LRRFIP1: variants seen among roughly 807,000 people sequenced by gnomAD.
LRRFIP1 encodes the protein leucine-rich repeat flightless-interacting protein 1.
Under a neutral mutation model 104.4 loss-of-function variants are expected in LRRFIP1, and 62 were observed. The observed-to-expected ratio is 0.59, with a 90% CI of 0.48 to 0.73. The LOEUF is 0.73. LRRFIP1 is among the 30% of genes least tolerant of loss of function. The probability of loss-of-function intolerance (pLI) is 0.00; values close to 1 mark genes in which losing one functional copy is unlikely to be tolerated. For synonymous variants in LRRFIP1, 300 were observed against 299.0 expected, an observed-to-expected ratio of 1.00 and a Z score of -0.03; for missense variants, 796 against 824.5, an observed-to-expected ratio of 0.97 and a Z score of 0.42.
chr2:237,707,145 C>T (rs1380449414), intron 1 of LRRFIP1, among the ~76,000 whole-genome samples: 1 of 152,106 alleles, frequency 6.6e-6, no homozygotes, highest in Non-Finnish European at 1.5e-5. Flanking sequence ...CAGTTTGCAA[C>T]TTAGATTAAA....
intron 23 of LRRFIP1, 172 bp from the exon 24 acceptor site, chr2:237,779,250 G>A (rs60023357): frequency 0.17 from 108,240 of 652,040 alleles, 9,798 homozygotes; most frequent in East Asian, 0.41. Context: ...ATCCCCAAGG[G>A]TGTTCCCTCT....
rs2092780693 is a variant in LRRFIP1, at chr2:237,691,808, T to C, written c.97-16736T>C. Among the ~76,000 whole-genome samples the C allele has an allele frequency of 6.6e-6, 1 of 152,078 alleles. No homozygotes were observed. Among genetic ancestry groups the C allele is most frequent in the Non-Finnish European group, 1.5e-5 (1 of 67,982 alleles). On this transcript the variant is annotated intron_variant, in intron 1 of 23. Coordinates refer to ENST00000308482, the MANE Select transcript of LRRFIP1 (RefSeq NM_001137550.2). The surrounding 1 kb of genome is among the most constrained non-coding windows in gnomAD (Gnocchi z 5.4). The stretch of plus-strand genomic sequence containing the variant: ...TGCGGCCGGAGCCTGAGGGGTCTTT[T>C]CCTCCAGGTCCTCTTTCCGGCGGGG...
intron 1 of LRRFIP1, among the ~76,000 whole-genome samples, chr2:237,652,070 T>C (rs1025437038): frequency 6.6e-6 from 1 of 152,194 alleles, no homozygotes; most frequent in Non-Finnish European, 1.5e-5. Context: ...TAGTGAAAAG[T>C]AGGTGCAGGT....
In LRRFIP1 at chr2:237,649,300, C is replaced by T. The variant is rs950643592; in HGVS notation, c.96+21560C>T. 7.2e-5 allele frequency among the ~76,000 whole-genome samples: 11 copies of T among 151,838 alleles called. No homozygotes were observed. Among genetic ancestry groups the T allele is most frequent in the Admixed American group, 2.6e-4 (4 of 15,258 alleles). The stretch of plus-strand genomic sequence containing the variant: ...ATCCCAGCACTTTGGGAGGCCAGGG[C>T]GGGCAGATAACTTGAGGTCAGGAGT... On this transcript the variant is annotated intron_variant, in intron 1 of 23. Transcript: ENST00000308482. This position sits in a 1 kb window ranked among gnomAD's most constrained non-coding sequence, Gnocchi z 4.1.
At chr2:237,772,691 C>T in intron 21 of LRRFIP1, 175 bp from the exon 22 acceptor site, 1 of 604,262 alleles carries the variant, frequency 1.7e-6, no homozygotes, top group South Asian at 2.0e-5. Context: ...TCCCTGGGTT[C>T]ATGGGGAGAG....
rs549812849 is a variant in LRRFIP1 at position 237,656,422 on chromosome 2, A to T, written c.96+28682A>T. On this transcript the variant is annotated intron_variant, in intron 1 of 23. Transcript: ENST00000308482. Reference sequence around the variant, plus strand: ...TGTTTCTGCCCAATTTGTGAAATATATGGTTTATCATGTCTATCTAAATAC... The same window carrying T: ...TGTTTCTGCCCAATTTGTGAAATATTTGGTTTATCATGTCTATCTAAATAC... Among the ~76,000 whole-genome samples the T allele has an allele frequency of 2.4e-4, 36 of 152,346 alleles. No homozygotes were observed. In the South Asian group the frequency reaches 4.1e-3, roughly 18 times the overall value.
chr2:237,772,261 C>A, intron 21 of LRRFIP1, 63 bp downstream of exon 21: 1 of 1,302,598 alleles, frequency 7.7e-7, no homozygotes, highest in Non-Finnish European at 1.1e-6. Flanking sequence ...TATACTTGTG[C>A]TGGCAGAGAA....
intron 14 of LRRFIP1, 35 bp downstream of exon 14, chr2:237,751,306 A>G: frequency 6.8e-7 from 1 of 1,474,372 alleles, no homozygotes. Flanking sequence ...TCACGATATT[A>G]ACCCAACTTA....
At chr2:237,768,447 T>C (rs1233595445) in intron 19 of LRRFIP1, 1 of 152,248 alleles carries the variant, frequency 6.6e-6, no homozygotes, top group East Asian at 1.9e-4. Context: ...CACATTCTGG[T>C]GTATTCAGTG....
At position 237,766,954 on chromosome 2, in the gene LRRFIP1, A is replaced by C. The variant is rs965150290; in HGVS notation, c.1460-2989A>C. Among the ~76,000 whole-genome samples the C allele has an allele frequency of 6.6e-6, 1 of 152,212 alleles. No individual in the cohort carries two copies. The highest frequency in any genetic ancestry group is 6.5e-5 in the Admixed American group (1 of 15,288). Reference sequence around the variant, plus strand: ...GGAGGCCGAGGCAGGCAGATCACTTAAGCCCAGGAGTTCAAGCCCAGCCTG... The same window carrying C: ...GGAGGCCGAGGCAGGCAGATCACTTCAGCCCAGGAGTTCAAGCCCAGCCTG... On this transcript the variant is annotated intron_variant, in intron 19 of 23. Transcript: ENST00000308482. The surrounding 1 kb of genome is among the most constrained non-coding windows in gnomAD (Gnocchi z 4.8).
chr2:237,694,247 T>G (rs2093012997), intron 1 of LRRFIP1, among the ~76,000 whole-genome samples: 3 of 152,246 alleles, frequency 2.0e-5, no homozygotes, highest in Admixed American at 6.5e-5. Flanking sequence ...TGTATGCATC[T>G]TACTACGTTT....
chr2:237,744,651 T>G (rs143927881), intron 11 of LRRFIP1, among the ~76,000 whole-genome samples: 1 of 152,380 alleles, frequency 6.6e-6, no homozygotes, highest in African/African-American at 2.4e-5. Context: ...AGTGACTGTT[T>G]CCAGTAGATT....
intron 1 of LRRFIP1, among the ~76,000 whole-genome samples, chr2:237,700,930 C>T (rs1387719603): frequency 6.6e-6 from 1 of 152,090 alleles, no homozygotes; most frequent in African/African-American, 2.4e-5. Flanking sequence ...AGTTGTGGCT[C>T]ATAAACCCCT....
chr2:237,764,087 A>G, intron 19 of LRRFIP1: 1 of 1,614,218 alleles, frequency 6.2e-7, no homozygotes. Context: ...CAGAGAAGAT[A>G]CCAGAGGAGG....
Position 237,711,846 on chromosome 2 carries a change from C to T in LRRFIP1, c.184-2413C>T, listed in dbSNP as rs2094110153. On this transcript the variant is annotated intron_variant, in intron 2 of 23. Transcript: ENST00000308482. The surrounding 1 kb of genome is among the most constrained non-coding windows in gnomAD (Gnocchi z 4.4). Reference sequence around the variant, plus strand: ...GAGGATGGACATGGCAGACAGGAAGCTGCCCTGGGAGACGAGAGCCAGACG... The same window carrying T: ...GAGGATGGACATGGCAGACAGGAAGTTGCCCTGGGAGACGAGAGCCAGACG... Among the ~76,000 whole-genome samples, 1 of 152,196 alleles carries T rather than the reference C, an allele frequency of 6.6e-6. No homozygotes were observed. Among genetic ancestry groups the T allele is most frequent in the South Asian group, 2.1e-4 (1 of 4,830 alleles).
chr2:237,643,879 C>T (rs934866251), intron 1 of LRRFIP1, among the ~76,000 whole-genome samples: 5 of 152,164 alleles, frequency 3.3e-5, no homozygotes, highest in Admixed American at 1.3e-4. Context: ...TTTAAGGAAG[C>T]GGGATTTAAT....
chr2:237,678,583 G>A (rs745882751), intron 1 of LRRFIP1, among the ~76,000 whole-genome samples: 5 of 152,072 alleles, frequency 3.3e-5, no homozygotes, highest in Non-Finnish European at 7.4e-5. Context: ...TCAGCTCACT[G>A]CAACTTCTGC....
At position 237,758,773 on chromosome 2, in the gene LRRFIP1, A is replaced by G; in HGVS notation, c.1269A>G (p.Glu423=). Residue 423 remains glutamate, a synonymous_variant, in exon 18 of 24, where the codon GAA becomes GAG. Coordinates refer to ENST00000308482, the MANE Select transcript of LRRFIP1 (RefSeq NM_001137550.2). ...QKEFFDSVRS[E]RDDLREEVVM... ...AGTTCTTTGATTCCGTAAGGAGTGA[A>G]CGGGATGATCTTAGAGAAGAAGTAG... is the stretch of plus-strand genomic sequence containing the variant. 2 of 1,613,728 alleles carry G rather than the reference A, an allele frequency of 1.2e-6. No individual in the cohort carries two copies. The highest frequency in any genetic ancestry group is 1.3e-5 in the African/African-American group (1 of 75,052).
chr2:237,723,093 G>T (rs182690851), intron 6 of LRRFIP1, among the ~76,000 whole-genome samples: 41 of 152,270 alleles, frequency 2.7e-4, no homozygotes, highest in Non-Finnish European at 5.0e-4. Context: ...GTGGGGAGGT[G>T]ATTTATACTA....
Sources: gnomAD v4.1 joint callset for allele counts (sites outside exome capture counted in the v4.1 genomes callset) on GRCh38, gnomAD v4.1.1 for gene constraint, Gnocchi (gnomAD v3.1) non-coding constraint, MANE v1.5 for transcripts, NCBI Gene and HGNC (gene_info 2026-07-23, HGNC 2026-07-21) for gene names.